The following DEPP1 variants were observed in gnomAD, a reference collection of about 807,000 sequenced individuals.
DEPP1 encodes protein DEPP1.
For synonymous variants in DEPP1, 117 were observed against 113.6 expected (o/e 1.03, Z -0.19); for missense variants, 267 against 280.1 (o/e 0.95, Z 0.33).
intron 1 of DEPP1, 96 bp from the exon 2 acceptor site, chr10:44,978,151 G>C (rs925114657): frequency 5.1e-6 from 6 of 1,170,448 alleles, no homozygotes; most frequent in Non-Finnish European, 7.2e-6. Flanking sequence ...GTAGGAATCC[G>C]GTGCCCTGAG....
In DEPP1 at chr10:44,977,871, G is replaced by C; in HGVS notation, c.160C>G (p.Leu54Val). Residue 54 changes from leucine to valine, a missense_variant, in exon 2 of 2, where the codon CTG (leucine) becomes GTG (valine). Transcript: ENST00000298295. ...TGGCCCTGGGCCGTGGCCTTGTCCA[G>C]CACAGAGGTGGGCTGTGCCAGTCGA... ...ISRLAQPTSV[L>V]DKATAQGQPR... The C allele has an allele frequency of 6.2e-7, 1 of 1,611,872 alleles. No homozygotes were observed. The highest frequency in any genetic ancestry group is 8.5e-7 in the Non-Finnish European group (1 of 1,179,372).
chr10:44,978,185 C>T, intron 1 of DEPP1, 130 bp from the exon 2 acceptor site: 3 of 774,420 alleles, frequency 3.9e-6, no homozygotes, highest in Non-Finnish European at 6.0e-6. Flanking sequence ...CTACAGAGCC[C>T]AGACCAGAGC....
At chr10:44,978,202 T>C (rs1164409086) in intron 1 of DEPP1, 147 bp from the exon 2 acceptor site, 1 of 629,922 alleles carries the variant, frequency 1.6e-6, no homozygotes, top group Non-Finnish European at 2.6e-6. Flanking sequence ...GAGCTCCGAC[T>C]GCTGGGATCT....
At position 44,977,337 on chromosome 10, in the gene DEPP1, CG is replaced by C. The variant is rs1841478527; in HGVS notation, c.*54del. 6.6e-7 allele frequency: 1 copy of C among 1,511,306 alleles called. No homozygotes were observed. The allele number at this position is 1,511,306 out of a possible 1,614,324, so 93.6% of individuals were successfully genotyped here. A position where few individuals can be genotyped will look rare whatever the true frequency, so the allele number is the denominator to read the frequency against. On this transcript the variant is annotated 3_prime_UTR_variant, in exon 2 of 2. Transcript: ENST00000298295. ...GGGGCAGTGACCACCATGGAGGAGACGAGAGGAGATGCAGACCCAGCATGCT... is the reference window on the plus strand; with the variant it reads ...GGGGCAGTGACCACCATGGAGGAGACAGAGGAGATGCAGACCCAGCATGCT...
rs761500802 is a variant in DEPP1 at position 44,976,248 on chromosome 10, G to C, written c.*1144C>G. On this transcript the variant is annotated 3_prime_UTR_variant, in exon 2 of 2. Coordinates refer to ENST00000298295, the MANE Select transcript of DEPP1 (RefSeq NM_007021.4). ...GCTGATGTCCCCATTTTATAGATAA[G>C]GAAACTGGGTAATTGCTTGTCTGAA... The C allele has an allele frequency of 4.6e-5, 7 of 152,234 alleles. No individual in the cohort carries two copies. Among genetic ancestry groups the C allele is most frequent in the Non-Finnish European group, 7.3e-5 (5 of 68,052 alleles). 9.4% of individuals were successfully genotyped at this position (152,234 alleles called of 1,614,324 possible). A position where few individuals can be genotyped will look rare whatever the true frequency, so the allele number is the denominator to read the frequency against.
rs1841529732 is a variant in DEPP1 at position 44,978,045 on chromosome 10, G to A, written c.-15C>T. ...CGGGACCTCATCACTCTGGCGAGAG[G>A]AGGTGGCAACCTGTTGGGAAACAGA... On this transcript the variant is annotated 5_prime_UTR_variant, in exon 2 of 2. Coordinates refer to ENST00000298295, the MANE Select transcript of DEPP1 (RefSeq NM_007021.4). 6.3e-7 allele frequency: 1 copy of A among 1,596,022 alleles called. No homozygotes were observed. The highest frequency in any genetic ancestry group is 8.5e-7 in the Non-Finnish European group (1 of 1,174,754).
intron 1 of DEPP1, chr10:44,978,282 G>A: frequency 6.2e-6 from 3 of 484,578 alleles, no homozygotes; most frequent in Middle Eastern, 5.3e-4. Flanking sequence ...AATGTGCACA[G>A]ATAAGAGAAC....
chr10:44,977,928 G>C lies in DEPP1; in HGVS notation c.103C>G (p.Pro35Ala). The C allele has an allele frequency of 6.2e-7, 1 of 1,612,692 alleles. No homozygotes were observed. Among genetic ancestry groups the C allele is most frequent in the Non-Finnish European group, 8.5e-7 (1 of 1,179,858 alleles). ...GGPGQEPPPS[P>A]SLDDYVRSIS... ...GACCTCACGTAGTCATCCAGGCTAG[G>C]AGAGGGTGGGGGCTCCTGTCCAGGA... is the stretch of plus-strand genomic sequence containing the variant. Residue 35 changes from proline (P) to alanine (A), a missense_variant, in exon 2 of 2, where the codon CCT becomes GCT. By Grantham distance (27) the Pro-to-Ala change is conservative. Transcript: ENST00000298295.
Position 44,977,140 on chromosome 10 carries a change from T to G in DEPP1, c.*252A>C. On this transcript the variant is annotated 3_prime_UTR_variant, in exon 2 of 2. Transcript: ENST00000298295. ...CCCATGAGAAACTGAGGAACACAGATGTTAAGTAAGTTGCTCAAGGTGATC... is the reference window on the plus strand; with the variant it reads ...CCCATGAGAAACTGAGGAACACAGAGGTTAAGTAAGTTGCTCAAGGTGATC... 4.8e-6 allele frequency: 2 copies of G among 418,736 alleles called. No homozygotes were observed. The allele number at this position is 418,736 out of a possible 1,614,324, so 25.9% of individuals were successfully genotyped here. A position where few individuals can be genotyped will look rare whatever the true frequency, so the allele number is the denominator to read the frequency against.
At position 44,978,037 on chromosome 10, in the gene DEPP1, G is replaced by T. The variant is rs1841528843; in HGVS notation, c.-7C>A. 2 of 1,596,468 alleles carry T rather than the reference G, an allele frequency of 1.3e-6. No homozygotes were observed. Among genetic ancestry groups the T allele is most frequent in the African/African-American group, 2.7e-5 (2 of 73,758 alleles). On this transcript the variant is annotated 5_prime_UTR_variant, in exon 2 of 2. Transcript: ENST00000298295. ...GCAGAAGCCGGGACCTCATCACTCT[G>T]GCGAGAGGAGGTGGCAACCTGTTGG...
intron 1 of DEPP1, 113 bp from the exon 2 acceptor site, chr10:44,978,168 T>C (rs953768566): frequency 4.0e-6 from 4 of 1,003,430 alleles, no homozygotes; most frequent in East Asian, 2.6e-5. Context: ...TGAGAGCAAT[T>C]TGAAGTCTAC....
At position 44,977,789 on chromosome 10, in the gene DEPP1, G is replaced by GAC. The variant is rs776370620; in HGVS notation, c.240_241dup (p.Ser81CysfsTer96). Reference sequence around the variant, plus strand: ...GAAACGTGCGGTGATGTCTCGCAGGGACACAGCAGGGCGGCCCTTCCGGCA... The same window carrying GAC: ...GAAACGTGCGGTGATGTCTCGCAGGGACACACAGCAGGGCGGCCCTTCCGGCA... On this transcript the variant is annotated frameshift_variant, in exon 2 of 2. Transcript: ENST00000298295. LOFTEE classifies it low-confidence loss of function (END_TRUNC). The GAC allele has an allele frequency of 3.1e-6, 5 of 1,601,664 alleles. No individual in the cohort carries two copies. Among genetic ancestry groups the GAC allele is most frequent in the Non-Finnish European group, 4.3e-6 (5 of 1,173,064 alleles).
In DEPP1 at chr10:44,977,244, C is replaced by T. The variant is rs539641422; in HGVS notation, c.*148G>A. 1.2e-5 allele frequency: 12 copies of T among 961,288 alleles called. No individual in the cohort carries two copies. The highest frequency in any genetic ancestry group is 8.2e-5 in the African/African-American group (5 of 61,262). The allele number at this position is 961,288 out of a possible 1,614,324, so 59.5% of individuals were successfully genotyped here. On this transcript the variant is annotated 3_prime_UTR_variant, in exon 2 of 2. Transcript: ENST00000298295. Reference sequence around the variant, plus strand: ...GGCTGTTATCATATTCAGAGGGGGTCGGTCTCACTGTGAACTGCCCAAGCA... The same window carrying T: ...GGCTGTTATCATATTCAGAGGGGGTTGGTCTCACTGTGAACTGCCCAAGCA...
chr10:44,977,136 CAG>C lies in DEPP1; in HGVS notation c.*254_*255del. 2.4e-6 allele frequency: 1 copy of C among 424,576 alleles called. No individual in the cohort carries two copies. The highest frequency in any genetic ancestry group is 3.6e-5 in the East Asian group (1 of 27,426). 26.3% of individuals were successfully genotyped at this position (424,576 alleles called of 1,614,324 possible). On this transcript the variant is annotated 3_prime_UTR_variant, in exon 2 of 2. Transcript: ENST00000298295. ...ATTACCCATGAGAAACTGAGGAACA[CAG>C]ATGTTAAGTAAGTTGCTCAAGGTGA...
chr10:44,977,286 A>G lies in DEPP1; in HGVS notation c.*106T>C. 1 of 1,423,726 alleles carries G rather than the reference A, an allele frequency of 7.0e-7. No individual in the cohort carries two copies. Among genetic ancestry groups the G allele is most frequent in the Non-Finnish European group, 9.5e-7 (1 of 1,057,636 alleles). The allele number at this position is 1,423,726 out of a possible 1,614,324, so 88.2% of individuals were successfully genotyped here. A position where few individuals can be genotyped will look rare whatever the true frequency, so the allele number is the denominator to read the frequency against. ...GCCCAAGCAGGGGCCTCTGCAGAAAAGCATTTCCCTTTCAGAGACCTGCCA... is the reference window on the plus strand; with the variant it reads ...GCCCAAGCAGGGGCCTCTGCAGAAAGGCATTTCCCTTTCAGAGACCTGCCA... On this transcript the variant is annotated 3_prime_UTR_variant, in exon 2 of 2. Transcript: ENST00000298295.
Position 44,976,228 on chromosome 10 carries a change from T to C in DEPP1, c.*1164A>G, listed in dbSNP as rs1841420671. 2 of 152,244 alleles carry C rather than the reference T, an allele frequency of 1.3e-5. No homozygotes were observed. 9.4% of individuals were successfully genotyped at this position (152,244 alleles called of 1,614,324 possible). ...TGCAGGGTGTGAAGAACATTGCTGA[T>C]GTCCCCATTTTATAGATAAGGAAAC... On this transcript the variant is annotated 3_prime_UTR_variant, in exon 2 of 2. Coordinates refer to ENST00000298295, the MANE Select transcript of DEPP1 (RefSeq NM_007021.4).
rs1401657623 is a variant in DEPP1, at chr10:44,977,722, G to A, written c.309C>T (p.Asp103=). 6.2e-7 allele frequency: 1 copy of A among 1,610,990 alleles called. No individual in the cohort carries two copies. Among genetic ancestry groups the A allele is most frequent in the Non-Finnish European group, 8.5e-7 (1 of 1,178,818 alleles). Reference sequence around the variant, plus strand: ...ACTCCCCAAAAAGCCAGTCCAGGGGGTCCACAGTATCAGCCATGGGCAGTG... The same window carrying A: ...ACTCCCCAAAAAGCCAGTCCAGGGGATCCACAGTATCAGCCATGGGCAGTG... ...QPTLPMADTV[D]PLDWLFGESQ... The change falls in exon 2 of 2, where the codon GAC becomes GAT. Residue 103 remains aspartate (D), a synonymous_variant. Transcript: ENST00000298295.
chr10:44,977,265 A>C lies in DEPP1; in HGVS notation c.*127T>G, dbSNP rs1380930294. The C allele has an allele frequency of 8.5e-6, 11 of 1,287,518 alleles. No individual in the cohort carries two copies. The highest frequency in any genetic ancestry group is 1.2e-5 in the Non-Finnish European group (11 of 935,184). 79.8% of individuals were successfully genotyped at this position (1,287,518 alleles called of 1,614,324 possible). A position where few individuals can be genotyped will look rare whatever the true frequency, so the allele number is the denominator to read the frequency against. On this transcript the variant is annotated 3_prime_UTR_variant, in exon 2 of 2. Coordinates refer to ENST00000298295, the MANE Select transcript of DEPP1 (RefSeq NM_007021.4). ...GGGTCGGTCTCACTGTGAACTGCCCAAGCAGGGGCCTCTGCAGAAAAGCAT... is the reference window on the plus strand; with the variant it reads ...GGGTCGGTCTCACTGTGAACTGCCCCAGCAGGGGCCTCTGCAGAAAAGCAT...
chr10:44,977,662 T>C lies in DEPP1; in HGVS notation c.369A>G (p.Pro123=), dbSNP rs768525833. ...QEKQPSQRDL[P]RRTGPSAGLW... is the part of the protein sequence containing the mutation. Reference sequence around the variant, plus strand: ...GGCCAGCAGAGGGGCCAGTCCTCCTTGGCAGGTCCCTCTGGCTTGGCTGCT... The same window carrying C: ...GGCCAGCAGAGGGGCCAGTCCTCCTCGGCAGGTCCCTCTGGCTTGGCTGCT... The change falls in exon 2 of 2, where the codon CCA becomes CCG. Residue 123 remains proline, a synonymous_variant. Transcript: ENST00000298295. 1.2e-6 allele frequency: 2 copies of C among 1,612,962 alleles called. No individual in the cohort carries two copies. The highest frequency in any genetic ancestry group is 1.7e-6 in the Non-Finnish European group (2 of 1,179,816).
Sources: allele counts gnomAD v4.1 joint callset, GRCh38; gene constraint gnomAD v4.1.1; transcripts MANE v1.5; gene names NCBI Gene and HGNC (gene_info 2026-07-23, HGNC 2026-07-21).